SCTR: variants seen among roughly 807,000 people sequenced by gnomAD.
The protein encoded by SCTR is secretin receptor.
Under a neutral mutation model 60.8 loss-of-function variants are expected in SCTR, and 56 were observed. The ratio of observed to expected loss-of-function variants is 0.92; its 90% confidence interval spans 0.74 to 1.15. The LOEUF (loss-of-function observed/expected upper bound fraction) is 1.15, where lower values mean the gene tolerates loss of function less well. Ranked by LOEUF, SCTR falls within the 50% of genes most tolerant of loss-of-function variation. The pLI, the probability that SCTR is intolerant of heterozygous loss-of-function variation, is 0.00. For missense variants in SCTR, 562 were observed against 550.4 expected (o/e 1.02, Z -0.21); for synonymous variants, 202 against 217.0 (o/e 0.93, Z 0.61).
chr2:119,512,859 C>CA (rs1679000507), intron 1 of SCTR, among the ~76,000 whole-genome samples: 1 of 152,212 alleles, frequency 6.6e-6, no homozygotes, highest in South Asian at 2.1e-4. Flanking sequence ...ATCATTTTCA[C>CA]AAAGGATTTC....
intron 11 of SCTR, among the ~76,000 whole-genome samples, chr2:119,441,966 G>A (rs774936250): frequency 6.6e-6 from 1 of 152,204 alleles, no homozygotes; most frequent in African/African-American, 2.4e-5. Flanking sequence ...GCTGCCCAGG[G>A]TGAGACCCTG....
At chr2:119,516,712 C>T (rs961061446) in intron 1 of SCTR, among the ~76,000 whole-genome samples, 3 of 152,124 alleles carry the variant, frequency 2.0e-5, no homozygotes, top group Non-Finnish European at 4.4e-5. Context: ...ATAATCCCAG[C>T]ACTTGGGGAG....
chr2:119,487,265 T>C lies in SCTR; in HGVS notation c.193+7163A>G, dbSNP rs892892271. 12 of 152,246 alleles carry C rather than the reference T, an allele frequency of 7.9e-5. 1 individual carries two copies. Among genetic ancestry groups the C allele is most frequent in the Admixed American group, 6.5e-4 (10 of 15,286 alleles). The allele number at this position is 152,246 out of a possible 1,614,324, so 9.4% of individuals were successfully genotyped here. Reference sequence around the variant, plus strand: ...GCATAGAGCACTATGAAAGTGCTAATTGCCATTGAATTATTCACTTCAAAA... The same window carrying C: ...GCATAGAGCACTATGAAAGTGCTAACTGCCATTGAATTATTCACTTCAAAA... On this transcript the variant is annotated intron_variant, in intron 2 of 12. Coordinates refer to ENST00000019103, the MANE Select transcript of SCTR (RefSeq NM_002980.3).
intron 5 of SCTR, among the ~76,000 whole-genome samples, chr2:119,465,181 C>T (rs1683780093): frequency 6.6e-6 from 1 of 152,174 alleles, no homozygotes; most frequent in African/African-American, 2.4e-5. Flanking sequence ...TATGAGAACT[C>T]TGAGGACTTT....
chr2:119,478,695 T>C (rs1282790165), intron 3 of SCTR, 116 bp downstream of exon 3: 3 of 831,830 alleles, frequency 3.6e-6, no homozygotes, highest in Admixed American at 2.5e-5. Context: ...TCCCCCATCA[T>C]TGTACCCATA....
chr2:119,466,530 T>C (rs902116452), intron 4 of SCTR, among the ~76,000 whole-genome samples: 1 of 152,112 alleles, frequency 6.6e-6, no homozygotes, highest in Non-Finnish European at 1.5e-5. Context: ...GGAGGAAGGA[T>C]TGCTCGAGCT....
At chr2:119,453,207 G>A in intron 8 of SCTR, 80 bp downstream of exon 8, 1 of 1,113,518 alleles carries the variant, frequency 9.0e-7, no homozygotes, top group Non-Finnish European at 1.4e-6. Context: ...TTCCTAGATA[G>A]CTCCAAAGAA....
At chr2:119,481,106 T>C (rs1353312265) in intron 2 of SCTR, among the ~76,000 whole-genome samples, 2 of 152,218 alleles carry the variant, frequency 1.3e-5, no homozygotes, top group African/African-American at 2.4e-5. Context: ...CCTGTTCCTT[T>C]TTCATCTGGA....
intron 9 of SCTR, among the ~76,000 whole-genome samples, chr2:119,451,803 T>C (rs904981417): frequency 6.6e-6 from 1 of 152,146 alleles, no homozygotes; most frequent in African/African-American, 2.4e-5. Context: ...GGCTCTTGCC[T>C]CCAGCTTACC....
At chr2:119,508,566 T>C (rs1017612429) in intron 1 of SCTR, among the ~76,000 whole-genome samples, 2 of 151,830 alleles carry the variant, frequency 1.3e-5, no homozygotes, top group African/African-American at 4.8e-5. Context: ...TTGTATTTTT[T>C]TGGTAGAGAC....
chr2:119,523,717 C>G (rs756594013), intron 1 of SCTR, among the ~76,000 whole-genome samples: 1 of 152,084 alleles, frequency 6.6e-6, no homozygotes, highest in Admixed American at 6.6e-5. Context: ...TTTTTATTCC[C>G]CCTCTCCTCT....
rs764773716 is a variant in SCTR, at chr2:119,464,221, G to A, written c.538C>T (p.His180Tyr). The change falls in exon 6 of 13, where the codon CAC becomes TAC. Residue 180 changes from histidine (H) to tyrosine (Y), a missense_variant. Transcript: ENST00000019103. ...LHCTRNYIHMHLFVSFILRAL... is the reference protein window; with the variant it reads ...LHCTRNYIHMYLFVSFILRAL... ...CGAAGGATGAAGGACACGAACAGGTGCATGTGGATGTAGTTGCGAGTGCAG... is the reference window on the plus strand; with the variant it reads ...CGAAGGATGAAGGACACGAACAGGTACATGTGGATGTAGTTGCGAGTGCAG... 1.9e-6 allele frequency: 3 copies of A among 1,614,200 alleles called. No individual in the cohort carries two copies. Among genetic ancestry groups the A allele is most frequent in the East Asian group, 2.2e-5 (1 of 44,884 alleles).
At chr2:119,478,676 G>A in intron 3 of SCTR, 135 bp downstream of exon 3, 1 of 741,616 alleles carries the variant, frequency 1.3e-6, no homozygotes. Flanking sequence ...CTAATCCTTT[G>A]CAGTGATCTC....
intron 2 of SCTR, 118 bp from the exon 3 acceptor site, chr2:119,479,036 G>C: frequency 3.3e-6 from 5 of 1,509,286 alleles, no homozygotes; most frequent in Middle Eastern, 3.5e-4. Flanking sequence ...TACTTTCAAA[G>C]CTCTCATTAG....
Position 119,453,311 on chromosome 2 carries a change from GCAATAGCCCA to G in SCTR, c.817_826del (p.Trp273ProfsTer27), listed in dbSNP as rs760060743. On this transcript the variant is annotated frameshift_variant, in exon 8 of 13. Coordinates refer to ENST00000019103, the MANE Select transcript of SCTR (RefSeq NM_002980.3). LOFTEE classifies it high-confidence loss of function. Reference sequence around the variant, plus strand: ...CCCAACATCTTCCAGAAAGTGTCTGGCAATAGCCCACAAAGCAACAAAAATGGCTGGAGAA... The same window carrying G: ...CCCAACATCTTCCAGAAAGTGTCTGGCAAAGCAACAAAAATGGCTGGAGAA... 2 of 1,613,396 alleles carry G rather than the reference GCAATAGCCCA, an allele frequency of 1.2e-6. No homozygotes were observed. Among genetic ancestry groups the G allele is most frequent in the African/African-American group, 2.7e-5 (2 of 74,912 alleles).
intron 7 of SCTR, among the ~76,000 whole-genome samples, chr2:119,453,928 A>G (rs907641370): frequency 1.3e-5 from 2 of 152,222 alleles, no homozygotes; most frequent in Non-Finnish European, 2.9e-5. Context: ...AAATACAATA[A>G]CATTTCCTGA....
chr2:119,499,062 C>T (rs530629873), intron 1 of SCTR, among the ~76,000 whole-genome samples: 1 of 152,000 alleles, frequency 6.6e-6, no homozygotes, highest in African/African-American at 2.4e-5. Flanking sequence ...TCAAAGAAAT[C>T]AGGAGTGACT....
intron 1 of SCTR, among the ~76,000 whole-genome samples, chr2:119,517,412 A>G (rs10205755): frequency 0.32 from 48,435 of 152,026 alleles, 8,082 homozygotes; most frequent in African/African-American, 0.39. Flanking sequence ...CACCTGCCTC[A>G]GCCTCCCCAA....
chr2:119,503,598 TA>T (rs555948535), intron 1 of SCTR, among the ~76,000 whole-genome samples: 6 of 151,610 alleles, frequency 4.0e-5, no homozygotes, highest in East Asian at 1.9e-4. Context: ...TTGGTGACAG[TA>T]AAAAAAATCA....
Sources: gnomAD v4.1 joint callset for allele counts (sites outside exome capture counted in the v4.1 genomes callset) on GRCh38, gnomAD v4.1.1 for gene constraint, MANE v1.5 for transcripts, NCBI Gene and HGNC (gene_info 2026-07-23, HGNC 2026-07-21) for gene names.